The following KIAA0586 variants were observed in gnomAD, a reference collection of about 807,000 sequenced individuals.
KIAA0586 encodes the protein protein TALPID3.
Under a neutral mutation model 169.8 loss-of-function variants are expected in KIAA0586, and 144 were observed. That is an observed-to-expected ratio of 0.85 (90% confidence interval 0.74 to 0.97). The LOEUF is 0.97. KIAA0586 is among the 50% of genes least tolerant of loss of function. The pLI, the probability that KIAA0586 is intolerant of heterozygous loss-of-function variation, is 0.00. For synonymous variants in KIAA0586, 625 were observed against 612.4 expected, an observed-to-expected ratio of 1.02 and a Z score of -0.30; for missense variants, 1,854 against 1,823.0, an observed-to-expected ratio of 1.02 and a Z score of -0.31.
At chr14:58,430,048 A>G (rs562840494) in intron 2 of KIAA0586, among the ~76,000 whole-genome samples, 5 of 152,306 alleles carry the variant, frequency 3.3e-5, no homozygotes, top group African/African-American at 1.2e-4. Flanking sequence ...TGGCAAACTA[A>G]TAATTCAATT....
chr14:58,452,089 A>G (rs1013732532), intron 8 of KIAA0586, among the ~76,000 whole-genome samples: 2 of 152,222 alleles, frequency 1.3e-5, no homozygotes, highest in African/African-American at 4.8e-5. Context: ...GATAATGCAA[A>G]GCCATAAGAA....
chr14:58,437,933 A>G (rs2037974632), intron 4 of KIAA0586, among the ~76,000 whole-genome samples: 1 of 152,146 alleles, frequency 6.6e-6, no homozygotes, highest in African/African-American at 2.4e-5. Flanking sequence ...CTAGCTTCTA[A>G]ATGCTGCTCA....
At chr14:58,560,556 A>G in the KIAA0586 span, among the ~76,000 whole-genome samples, 3 of 152,198 alleles carry the variant, frequency 2.0e-5, no homozygotes, top group Non-Finnish European at 2.9e-5. Context: ...AGGTTTCTCA[A>G]TCTCTCAGCA....
At chr14:58,557,950 C>T in the KIAA0586 span, among the ~76,000 whole-genome samples, 1 of 100,020 alleles carries the variant, frequency 1.0e-5, no homozygotes, top group South Asian at 3.3e-4. Context: ...TGCTCTGTTG[C>T]CCAGGCTGGA....
intron 29 of KIAA0586, among the ~76,000 whole-genome samples, chr14:58,514,246 C>A (rs974377917): frequency 1.3e-5 from 2 of 151,776 alleles, no homozygotes; most frequent in African/African-American, 4.8e-5. Flanking sequence ...TGAGACATTG[C>A]CAAATGTTGC....
chr14:58,447,851 G>A (rs1595134507), intron 6 of KIAA0586, among the ~76,000 whole-genome samples: 1 of 152,136 alleles, frequency 6.6e-6, no homozygotes, highest in East Asian at 1.9e-4. Context: ...ATATACAAAT[G>A]CATATATTAT....
In KIAA0586 at chr14:58,428,899, A is replaced by G. The variant is rs1228728242; in HGVS notation, c.199+436A>G. Among the ~76,000 whole-genome samples, 4 of 152,190 alleles carry G rather than the reference A, an allele frequency of 2.6e-5. No individual in the cohort carries two copies. The South Asian group carries it at 6.2e-4, about 24-fold the overall frequency. Reference sequence around the variant, plus strand: ...AATTCACTTAATCTGTCTAGAGCTCAGTGAAAATAAGGATAACATATGCTT... The same window carrying G: ...AATTCACTTAATCTGTCTAGAGCTCGGTGAAAATAAGGATAACATATGCTT... On this transcript the variant is annotated intron_variant, in intron 1 of 30. Transcript: ENST00000652326.
intron 27 of KIAA0586, among the ~76,000 whole-genome samples, chr14:58,500,183 A>G (rs577824957): frequency 6.6e-6 from 1 of 152,228 alleles, no homozygotes; most frequent in Non-Finnish European, 1.5e-5. Flanking sequence ...GAAATACAGG[A>G]TTAGGTTTCT....
chr14:58,482,686 G>A lies in KIAA0586; in HGVS notation c.3118G>A (p.Ala1040Thr). The A allele has an allele frequency of 1.3e-6, 2 of 1,572,616 alleles. No homozygotes were observed. The highest frequency in any genetic ancestry group is 1.4e-5 in the African/African-American group (1 of 72,726). The stretch of plus-strand genomic sequence containing the variant: ...TGTTGCTACAGGTGTTTCTGGGGAT[G>A]CTTCAACAAATGAAACATATTTGCC... ...GPVATGVSGD[A>T]STNETYLPAR... Residue 1040 changes from alanine (A) to threonine (T), a missense_variant, in exon 21 of 31, where the codon GCT (alanine) becomes ACT (threonine). Coordinates refer to ENST00000652326, the MANE Select transcript of KIAA0586 (RefSeq NM_001329943.3).
At chr14:58,495,009 T>C (rs1432589400) in intron 26 of KIAA0586, among the ~76,000 whole-genome samples, 1 of 152,170 alleles carries the variant, frequency 6.6e-6, no homozygotes, top group Admixed American at 6.5e-5. Context: ...GCAGCCCCTT[T>C]CTTTCCACGC....
intron 24 of KIAA0586, among the ~76,000 whole-genome samples, 197 bp from the exon 25 acceptor site, chr14:58,489,967 A>G (rs774281188): frequency 2.6e-5 from 4 of 152,198 alleles, no homozygotes; most frequent in Non-Finnish European, 5.9e-5. Context: ...GTTAAACAAA[A>G]TTCTCATCTT....
In KIAA0586 at chr14:58,470,639, C is replaced by A. The variant is rs1038796362; in HGVS notation, c.2469C>A (p.Ser823Arg). Residue 823 changes from serine to arginine, a missense_variant, in exon 17 of 31, where the codon AGC becomes AGA. Coordinates refer to ENST00000652326, the MANE Select transcript of KIAA0586 (RefSeq NM_001329943.3). ...TATTACCCAGTGTAGATATTGACAG[C>A]ATTTCAAATAGTAGTGCTGATGTCC... ...VQVLPSVDIDSISNSSADVLS... is the reference protein window; with the variant it reads ...VQVLPSVDIDRISNSSADVLS... 2.5e-6 allele frequency: 4 copies of A among 1,604,034 alleles called. No individual in the cohort carries two copies. Among genetic ancestry groups the A allele is most frequent in the Non-Finnish European group, 3.4e-6 (4 of 1,172,064 alleles).
Position 58,512,703 on chromosome 14 carries a change from C to G in KIAA0586, c.4429+76C>G, listed in dbSNP as rs368501072. ...ATTGAACAAATATGAGAATTCTTTA[C>G]TTTTTATACATCCCACTGCTCTCTA... On this transcript the variant is annotated intron_variant, in intron 29 of 30. Coordinates refer to ENST00000652326, the MANE Select transcript of KIAA0586 (RefSeq NM_001329943.3). 5.1e-4 allele frequency: 410 copies of G among 811,506 alleles called. 7 individuals carry two copies. In the South Asian group the frequency reaches 7.2e-3, roughly 14 times the overall value. The allele number at this position is 811,506 out of a possible 1,614,324, so 50.3% of individuals were successfully genotyped here.
chr14:58,510,476 C>A (rs772874311), intron 28 of KIAA0586, among the ~76,000 whole-genome samples: 1 of 152,182 alleles, frequency 6.6e-6, no homozygotes, highest in Non-Finnish European at 1.5e-5. Context: ...ATCTAAAAGG[C>A]GGTCATGCCA....
chr14:58,514,851 A>G (rs925977924), intron 29 of KIAA0586, among the ~76,000 whole-genome samples: 18 of 152,034 alleles, frequency 1.2e-4, no homozygotes, highest in Non-Finnish European at 1.3e-4. Context: ...AAGTATTTGA[A>G]TGGTCATTTC....
rs58851367 is a variant in KIAA0586 at position 58,484,924 on chromosome 14, A to ATTT, written c.3145-2058_3145-2056dup. On this transcript the variant is annotated intron_variant, in intron 21 of 30. Transcript: ENST00000652326. ...TATATATATATATATATATATATAT[A>ATTT]TTTTTTTTTTTTTTTTTTTTTTTTT... Among the ~76,000 whole-genome samples, 58 of 13,052 alleles carry ATTT rather than the reference A, an allele frequency of 4.4e-3. 12 individuals carry two copies. Among genetic ancestry groups the ATTT allele is most frequent in the African/African-American group, 8.6e-3 (28 of 3,258 alleles). The allele number at this position is 13,052 out of a possible 152,430, so 8.6% of individuals were successfully genotyped here. A position where few individuals can be genotyped will look rare whatever the true frequency, so the allele number is the denominator to read the frequency against.
intron 29 of KIAA0586, among the ~76,000 whole-genome samples, chr14:58,531,074 T>C (rs1488037089): frequency 1.3e-5 from 2 of 151,762 alleles, no homozygotes; most frequent in Non-Finnish European, 2.9e-5. Flanking sequence ...ACTTTGGGCT[T>C]TGGGAGGCCA....
At position 58,427,938 on chromosome 14, in the gene KIAA0586, C is replaced by T. The variant is rs972202347; in HGVS notation, c.-327C>T. 1.4e-6 allele frequency: 2 copies of T among 1,379,484 alleles called. No homozygotes were observed. Among genetic ancestry groups the T allele is most frequent in the Admixed American group, 2.9e-5 (1 of 34,004 alleles). The allele number at this position is 1,379,484 out of a possible 1,614,324, so 85.5% of individuals were successfully genotyped here. ...TCAACAAATTTTAAGCCCGCCACTA[C>T]ATGTGTTTGGTTTTGCCCTACCAGC... On this transcript the variant is annotated 5_prime_UTR_variant, in exon 1 of 31. Coordinates refer to ENST00000652326, the MANE Select transcript of KIAA0586 (RefSeq NM_001329943.3).
intron 29 of KIAA0586, among the ~76,000 whole-genome samples, chr14:58,519,569 T>C (rs1411543060): frequency 6.6e-6 from 1 of 152,228 alleles, no homozygotes; most frequent in Non-Finnish European, 1.5e-5. Context: ...ATTTATTGAA[T>C]AAGCATTTAA....
Sources: allele counts gnomAD v4.1 joint callset (sites outside exome capture counted in the v4.1 genomes callset), GRCh38; gene constraint gnomAD v4.1.1; transcripts MANE v1.5; gene names NCBI Gene and HGNC (gene_info 2026-07-23, HGNC 2026-07-21).